ACAD10: variants seen among roughly 807,000 people sequenced by gnomAD.
The protein encoded by ACAD10 is ACAD-10.
ACAD10 carries 112 observed loss-of-function variants against 116.8 expected under a neutral mutation model. The observed-to-expected ratio is 0.96, with a 90% CI of 0.82 to 1.12. The LOEUF is 1.12. ACAD10 is among the 50% of genes most tolerant of loss of function. The pLI is 0.00. For missense variants in ACAD10, 1,259 were observed against 1,350.2 expected, an observed-to-expected ratio of 0.93 and a Z score of 1.06; for synonymous variants, 486 against 510.6, an observed-to-expected ratio of 0.95 and a Z score of 0.65.
intron 3 of ACAD10, 36 bp downstream of exon 3, chr12:111,702,346 C>A (rs748355780): frequency 6.2e-7 from 1 of 1,604,142 alleles, no homozygotes; most frequent in South Asian, 1.1e-5. Flanking sequence ...CCATATTTTT[C>A]TTTTTGCCTT....
intron 2 of ACAD10, among the ~76,000 whole-genome samples, chr12:111,701,170 G>C (rs1241809038): frequency 6.6e-6 from 1 of 152,132 alleles, no homozygotes; most frequent in Non-Finnish European, 1.5e-5. Flanking sequence ...CAAAACAAAA[G>C]CTATATGTAA....
rs553568182 is a variant in ACAD10, at chr12:111,742,986, C to T, written c.1715-1657C>T. ...CCTCCCAAAGTGCTGGGGTTACAGG[C>T]GTGAGCCAAAGCACCCAGCCTAAAA... On this transcript the variant is annotated intron_variant, in intron 12 of 20. Transcript: ENST00000313698. Among the ~76,000 whole-genome samples the T allele has an allele frequency of 3.3e-5, 5 of 152,082 alleles. No individual in the cohort carries two copies. The South Asian group carries it at 8.3e-4, about 25-fold the overall frequency.
chr12:111,711,689 T>G (rs1888690891), intron 5 of ACAD10, among the ~76,000 whole-genome samples: 1 of 151,716 alleles, frequency 6.6e-6, no homozygotes, highest in Non-Finnish European at 1.5e-5. Context: ...ATTTTTTGTA[T>G]TTTTAGTAGA....
intron 12 of ACAD10, among the ~76,000 whole-genome samples, chr12:111,742,785 CG>C (rs1889782142): frequency 6.6e-6 from 1 of 152,154 alleles, no homozygotes; most frequent in South Asian, 2.1e-4. Flanking sequence ...TCTCGGCCCA[CG>C]GCAACCTCCA....
Position 111,755,724 on chromosome 12 carries a change from A to C in ACAD10, c.3018A>C (p.Arg1006=). 6.2e-7 allele frequency: 1 copy of C among 1,613,704 alleles called. No individual in the cohort carries two copies. Among genetic ancestry groups the C allele is most frequent in the Non-Finnish European group, 8.5e-7 (1 of 1,179,918 alleles). The change falls in exon 20 of 21, where the codon CGA becomes CGC. Residue 1006 remains arginine (R), a synonymous_variant. Transcript: ENST00000313698. ...TGGTCGCCCCGTCCATGGCCTCCCG[A>C]GTGATTGATCGTGCGATTCAGGTGA... is the stretch of plus-strand genomic sequence containing the variant. ...IKMVAPSMAS[R]VIDRAIQAFG... is the part of the protein sequence containing the mutation.
At chr12:111,734,734 A>T (rs1889497355) in intron 11 of ACAD10, among the ~76,000 whole-genome samples, 1 of 152,228 alleles carries the variant, frequency 6.6e-6, no homozygotes, top group African/African-American at 2.4e-5. Flanking sequence ...CCATTTGCTG[A>T]CATTTCAGTA....
chr12:111,687,354 T>C (rs1368605158), intron 1 of ACAD10, among the ~76,000 whole-genome samples: 2 of 152,136 alleles, frequency 1.3e-5, no homozygotes, highest in Admixed American at 1.3e-4. Context: ...TGATTATTCT[T>C]TTTTGTTTTT....
At chr12:111,753,419 A>G in intron 18 of ACAD10, 1 of 459,228 alleles carries the variant, frequency 2.2e-6, no homozygotes, top group South Asian at 1.7e-5. Flanking sequence ...TCCCAGGAGT[A>G]GCCTTGGGTC....
intron 7 of ACAD10, among the ~76,000 whole-genome samples, chr12:111,718,337 C>T (rs571505676): frequency 3.9e-5 from 6 of 152,254 alleles, no homozygotes; most frequent in South Asian, 2.1e-4. Flanking sequence ...GCGTGAGCCA[C>T]TATGCCCACC....
chr12:111,731,639 AG>A (rs1273197076), intron 10 of ACAD10, among the ~76,000 whole-genome samples: 1 of 152,230 alleles, frequency 6.6e-6, no homozygotes, highest in Non-Finnish European at 1.5e-5. Context: ...CCTCCAGGAA[AG>A]GCATCCTCTG....
intron 20 of ACAD10, 119 bp downstream of exon 20, chr12:111,755,864 C>A (rs752088981): frequency 3.9e-6 from 4 of 1,014,088 alleles, no homozygotes. Flanking sequence ...CACCCACTCA[C>A]CATGCATGCA....
chr12:111,746,986 C>T (rs1889921711), intron 14 of ACAD10, 63 bp from the exon 15 acceptor site: 2 of 1,513,172 alleles, frequency 1.3e-6, no homozygotes, highest in South Asian at 1.3e-5. Context: ...GGTGACAGAG[C>T]TTGACTCTGT....
chr12:111,692,693 A>AT lies in ACAD10; in HGVS notation c.-13-4_-13-3insT. 1 of 1,609,664 alleles carries AT rather than the reference A, an allele frequency of 6.2e-7. No homozygotes were observed. Among genetic ancestry groups the AT allele is most frequent in the East Asian group, 2.2e-5 (1 of 44,832 alleles). On this transcript the variant is annotated splice_polypyrimidine_tract_variant and splice_region_variant and intron_variant, in intron 1 of 20. Transcript: ENST00000313698. Reference sequence around the variant, plus strand: ...GTAACGCCCTGTGCCTTCTTCCCACACAGCCTCAGCCTCACCATGTGTGTC... The same window carrying AT: ...GTAACGCCCTGTGCCTTCTTCCCACATCAGCCTCAGCCTCACCATGTGTGTC...
At chr12:111,741,966 A>C (rs145712969) in intron 12 of ACAD10, among the ~76,000 whole-genome samples, 154 of 152,284 alleles carry the variant, frequency 1.0e-3, no homozygotes, top group African/African-American at 3.5e-3. Context: ...GCAGAAGATT[A>C]ACAGTATGTA....
Position 111,712,514 on chromosome 12 carries a change from C to G in ACAD10, c.707C>G (p.Thr236Ser), listed in dbSNP as rs1888715805. 6.2e-7 allele frequency: 1 copy of G among 1,613,760 alleles called. No homozygotes were observed. Among genetic ancestry groups the G allele is most frequent in the Non-Finnish European group, 8.5e-7 (1 of 1,179,892 alleles). Residue 236 changes from threonine to serine, a missense_variant, in exon 6 of 21, where the codon ACT (threonine) becomes AGT (serine). By Grantham distance (58) the Thr-to-Ser change is moderately conservative. Transcript: ENST00000313698. ...TGAAACCAGGTTAATGACCCAGAGA[C>G]TGCAGTAAAGGAATTAGAAGCTCTC... is the stretch of plus-strand genomic sequence containing the variant. ...IHTIKVNDPE[T>S]AVKELEALLG... is the part of the protein sequence containing the mutation.
At position 111,755,674 on chromosome 12, in the gene ACAD10, G is replaced by A. The variant is rs759927648; in HGVS notation, c.2968G>A (p.Ala990Thr). The A allele has an allele frequency of 1.2e-6, 2 of 1,613,754 alleles. No homozygotes were observed. Among genetic ancestry groups the A allele is most frequent in the South Asian group, 2.2e-5 (2 of 91,060 alleles). Residue 990 changes from alanine (A) to threonine (T), a missense_variant, in exon 20 of 21, where the codon GCC (alanine) becomes ACC (threonine). Ala to Thr is a moderately conservative substitution (Grantham distance 58). Transcript: ENST00000313698. ...CATCTCCTCCTCCTTACAGGCTGCAGCCTTGGATATAGCCATGATTAAAAT... is the reference window on the plus strand; with the variant it reads ...CATCTCCTCCTCCTTACAGGCTGCAACCTTGGATATAGCCATGATTAAAAT... ...LMDLAGNKAAALDIAMIKMVA... is the reference protein window; with the variant it reads ...LMDLAGNKAATLDIAMIKMVA...
intron 2 of ACAD10, among the ~76,000 whole-genome samples, chr12:111,699,144 C>T (rs1298133122): frequency 1.3e-5 from 2 of 152,194 alleles, no homozygotes; most frequent in East Asian, 3.8e-4. Flanking sequence ...CTCTGCCTCC[C>T]AAAGTGCTGG....
chr12:111,699,515 G>A (rs983577940), intron 2 of ACAD10, among the ~76,000 whole-genome samples: 2 of 152,232 alleles, frequency 1.3e-5, no homozygotes, highest in East Asian at 1.9e-4. Flanking sequence ...ATCATATGCT[G>A]TAGACTGTTC....
intron 5 of ACAD10, chr12:111,709,895 G>C (rs1293921500): frequency 1.8e-5 from 10 of 570,974 alleles, no homozygotes; most frequent in Non-Finnish European, 2.9e-5. Context: ...TGCGAAGGCA[G>C]GTTGAGAAAA....
Sources: allele counts gnomAD v4.1 joint callset (sites outside exome capture counted in the v4.1 genomes callset), GRCh38; gene constraint gnomAD v4.1.1; transcripts MANE v1.5; gene names NCBI Gene and HGNC (gene_info 2026-07-23, HGNC 2026-07-21).